The following AMBRA1 variants were observed in gnomAD, a reference collection of about 807,000 sequenced individuals.
AMBRA1 encodes activating molecule in BECN1-regulated autophagy protein 1.
Under a neutral mutation model 125.4 loss-of-function variants are expected in AMBRA1, and 47 were observed. The ratio of observed to expected loss-of-function variants is 0.37; its 90% confidence interval spans 0.30 to 0.48. The LOEUF (loss-of-function observed/expected upper bound fraction) is 0.48, where lower values mean the gene tolerates loss of function less well. Ranked by LOEUF, AMBRA1 falls within the 20% of genes least tolerant of loss-of-function variation. AMBRA1 has a pLI of 0.99. For missense variants in AMBRA1, 1,331 were observed against 1,693.4 expected (o/e 0.79, Z 3.76); for synonymous variants, 626 against 655.5 (o/e 0.95, Z 0.69).
intron 1 of AMBRA1, among the ~76,000 whole-genome samples, chr11:46,554,128 T>C (rs1392570876): frequency 6.6e-6 from 1 of 152,210 alleles, no homozygotes; most frequent in Admixed American, 6.5e-5. Context: ...GCAATTCTTT[T>C]ACCCAATATA....
chr11:46,592,755 T>TAA (rs919779590), intron 1 of AMBRA1, among the ~76,000 whole-genome samples: 11 of 143,158 alleles, frequency 7.7e-5, no homozygotes, highest in Admixed American at 3.5e-4. Context: ...TAGCCTGTCT[T>TAA]AAAAAAAAAA....
chr11:46,585,696 ATATATATATATATAT>A (rs1256871728), intron 1 of AMBRA1, among the ~76,000 whole-genome samples: 1 of 16,102 alleles, frequency 6.2e-5, no homozygotes, highest in African/African-American at 3.6e-4. Flanking sequence ...AAAAAAAAAA[ATATATATATATATAT>A]ATATATATAT....
chr11:46,563,707 G>A (rs560079750), intron 1 of AMBRA1, among the ~76,000 whole-genome samples: 5 of 151,442 alleles, frequency 3.3e-5, no homozygotes, highest in Admixed American at 3.3e-4. Context: ...GGGTATAGTG[G>A]TGCACACCTG....
At chr11:46,525,933 C>T (rs535665937) in intron 7 of AMBRA1, among the ~76,000 whole-genome samples, 3 of 151,844 alleles carry the variant, frequency 2.0e-5, no homozygotes, top group African/African-American at 2.4e-5. Flanking sequence ...AGGCTAGGTG[C>T]GGTGGCTCAC....
intron 11 of AMBRA1, among the ~76,000 whole-genome samples, chr11:46,486,174 C>T (rs1950261160): frequency 6.6e-6 from 1 of 152,162 alleles, no homozygotes; most frequent in African/African-American, 2.4e-5. Flanking sequence ...TTATAAACAG[C>T]CATCTTAATT....
intron 11 of AMBRA1, among the ~76,000 whole-genome samples, chr11:46,485,007 A>G (rs1950216361): frequency 6.8e-6 from 1 of 148,060 alleles, no homozygotes; most frequent in African/African-American, 2.5e-5. Flanking sequence ...GCGCGATCTC[A>G]GCTCACTGCA....
rs368581507 is a variant in AMBRA1 at position 46,450,716 on chromosome 11, T to TATAG, written c.2522-7122_2522-7119dup. On this transcript the variant is annotated intron_variant, in intron 11 of 17. Coordinates refer to ENST00000683756, the MANE Select transcript of AMBRA1 (RefSeq NM_001387011.1). Reference sequence around the variant, plus strand: ...CCTTGGCCTCCCAAAGTGTTGGGATTATAGGCATGAGCCACCATGTACAGC... The same window carrying TATAG: ...CCTTGGCCTCCCAAAGTGTTGGGATTATAGATAGGCATGAGCCACCATGTACAGC... Among the ~76,000 whole-genome samples, 638 of 152,354 alleles carry TATAG rather than the reference T, an allele frequency of 4.2e-3. 3 individuals carry two copies. Among genetic ancestry groups the TATAG allele is most frequent in the African/African-American group, 0.013 (536 of 41,584 alleles).
intron 11 of AMBRA1, among the ~76,000 whole-genome samples, chr11:46,471,984 C>T (rs2136884464): frequency 6.6e-6 from 1 of 152,202 alleles, no homozygotes; most frequent in Middle Eastern, 3.4e-3. Context: ...TTAATTTTTA[C>T]AAAAGAGTTG....
At chr11:46,471,151 T>C (rs1392296734) in intron 11 of AMBRA1, among the ~76,000 whole-genome samples, 1 of 152,128 alleles carries the variant, frequency 6.6e-6, no homozygotes, top group Admixed American at 6.5e-5. Flanking sequence ...TAGACGAAAT[T>C]TGAATTCACG....
At chr11:46,535,719 G>A (rs181436946) in intron 7 of AMBRA1, among the ~76,000 whole-genome samples, 53 of 152,260 alleles carry the variant, frequency 3.5e-4, no homozygotes, top group African/African-American at 1.2e-3. Flanking sequence ...TTACTGAGAT[G>A]CCAAGCCAAA....
At chr11:46,577,772 G>A (rs1334084083) in intron 1 of AMBRA1, among the ~76,000 whole-genome samples, 2 of 152,068 alleles carry the variant, frequency 1.3e-5, no homozygotes, top group Non-Finnish European at 2.9e-5. Flanking sequence ...CCAATATGGA[G>A]AAACCCTGTC....
intron 7 of AMBRA1, among the ~76,000 whole-genome samples, chr11:46,513,261 CTTTTTTCTTTTT>C (rs1446784993): frequency 2.1e-5 from 3 of 142,976 alleles, no homozygotes; most frequent in African/African-American, 8.2e-5. Context: ...TGCCTACGCT[CTTTTTTCTTTTT>C]TTTTTTTTTG....
chr11:46,424,478 A>G (rs1412606761), intron 14 of AMBRA1, among the ~76,000 whole-genome samples: 1 of 152,238 alleles, frequency 6.6e-6, no homozygotes. Flanking sequence ...ATCAAAGCAC[A>G]GAGATTACTT....
chr11:46,586,053 C>T (rs2044388719), intron 1 of AMBRA1, among the ~76,000 whole-genome samples: 1 of 152,072 alleles, frequency 6.6e-6, no homozygotes, highest in South Asian at 2.1e-4. Flanking sequence ...ATCCACCCGC[C>T]TCAGCCTCCC....
intron 14 of AMBRA1, among the ~76,000 whole-genome samples, chr11:46,431,040 C>T (rs1177312948): frequency 6.6e-6 from 1 of 152,190 alleles, no homozygotes; most frequent in Non-Finnish European, 1.5e-5. Context: ...AATTCAGGGA[C>T]ATTTGCTGAG....
intron 1 of AMBRA1, among the ~76,000 whole-genome samples, chr11:46,584,086 C>A (rs1448936212): frequency 1.4e-5 from 2 of 142,508 alleles, no homozygotes; most frequent in Non-Finnish European, 3.0e-5. Context: ...ATGTTTATTG[C>A]GGCACTATTC....
At chr11:46,548,205 A>T (rs2042885850) in intron 2 of AMBRA1, 41 bp downstream of exon 2, 2 of 1,613,048 alleles carry the variant, frequency 1.2e-6, no homozygotes, top group African/African-American at 1.3e-5. Flanking sequence ...TTCTACCATC[A>T]CCAGCACAAA....
At chr11:46,406,619 G>A (rs1331389743) in intron 17 of AMBRA1, among the ~76,000 whole-genome samples, 2 of 151,876 alleles carry the variant, frequency 1.3e-5, no homozygotes, top group Non-Finnish European at 2.9e-5. Flanking sequence ...GGTGGCTCAC[G>A]CCTGTAATCC....
chr11:46,561,851 C>A (rs2043348928), intron 1 of AMBRA1, among the ~76,000 whole-genome samples: 2 of 152,182 alleles, frequency 1.3e-5, no homozygotes, highest in Admixed American at 1.3e-4. Flanking sequence ...TTATTTAAAT[C>A]TGAGTAGAAG....
Sources: allele counts gnomAD v4.1 joint callset (sites outside exome capture counted in the v4.1 genomes callset), GRCh38; gene constraint gnomAD v4.1.1; transcripts MANE v1.5; gene names NCBI Gene and HGNC (gene_info 2026-07-23, HGNC 2026-07-21).